Variants in ADAM12 observed in about 807,000 individuals in gnomAD.
ADAM12 encodes the protein ADAM metallopeptidase domain 12, also known as disintegrin and metalloproteinase domain-containing protein 12.
ADAM12 carries 70 observed loss-of-function variants against 106.4 expected under a neutral mutation model. The ratio of observed to expected loss-of-function variants is 0.66; its 90% CI spans 0.54 to 0.80. ADAM12 has a LOEUF of 0.80. Ranked by LOEUF, ADAM12 falls within the 30% of genes least tolerant of loss-of-function variation. The probability of loss-of-function intolerance (pLI) is 0.00; values close to 1 mark genes in which losing one functional copy is unlikely to be tolerated. For missense variants in ADAM12, 1,010 were observed against 1,171.9 expected, an observed-to-expected ratio of 0.86 and a Z score of 2.02; for synonymous variants, 420 against 433.5, an observed-to-expected ratio of 0.97 and a Z score of 0.39.
At chr10:126,032,685 A>G (rs879784631) in intron 21 of ADAM12, among the ~76,000 whole-genome samples, 3 of 152,326 alleles carry the variant, frequency 2.0e-5, no homozygotes, top group Non-Finnish European at 4.4e-5. Context: ...CTCTTTGGCT[A>G]CCTGAAATGT....
Position 126,388,013 on chromosome 10 carries a change from C to A in ADAM12, c.88+45G>T. 1 of 1,195,270 alleles carries A rather than the reference C, an allele frequency of 8.4e-7. No individual in the cohort carries two copies. The highest frequency in any genetic ancestry group is 1.0e-6 in the Non-Finnish European group (1 of 964,302). The allele number at this position is 1,195,270 out of a possible 1,614,324, so 74.0% of individuals were successfully genotyped here. A position where few individuals can be genotyped will look rare whatever the true frequency, so the allele number is the denominator to read the frequency against. Reference sequence around the variant, plus strand: ...GCGCGCCCAGGCGCAGCGTGCGGTGCCCTCGGCGGGGCGGGCAGCGAGCCG... The same window carrying A: ...GCGCGCCCAGGCGCAGCGTGCGGTGACCTCGGCGGGGCGGGCAGCGAGCCG... On this transcript the variant is annotated intron_variant, in intron 1 of 22. Coordinates refer to ENST00000448723, the MANE Select transcript of ADAM12 (RefSeq NM_001288973.2). The surrounding 1 kb of genome is among the most constrained non-coding windows in gnomAD (Gnocchi z 4.4).
intron 3 of ADAM12, among the ~76,000 whole-genome samples, chr10:126,243,395 G>A (rs551305972): frequency 6.6e-6 from 1 of 152,202 alleles, no homozygotes; most frequent in Admixed American, 6.5e-5. Context: ...GCCTTCTCAT[G>A]CATCTTACTT....
At chr10:126,188,114 C>T (rs1202298357) in intron 3 of ADAM12, among the ~76,000 whole-genome samples, 1 of 152,222 alleles carries the variant, frequency 6.6e-6, no homozygotes, top group Non-Finnish European at 1.5e-5. Flanking sequence ...GACACTGCAG[C>T]TTGTTCTCAC....
intron 3 of ADAM12, among the ~76,000 whole-genome samples, chr10:126,193,256 C>T (rs1957536400): frequency 9.6e-6 from 1 of 104,662 alleles, no homozygotes; most frequent in Non-Finnish European, 1.7e-5. Flanking sequence ...CAGAGCGAGA[C>T]TCCATCTCAA....
At chr10:126,130,848 A>G (rs975778845) in intron 5 of ADAM12, among the ~76,000 whole-genome samples, 3 of 152,210 alleles carry the variant, frequency 2.0e-5, no homozygotes, top group African/African-American at 7.2e-5. Context: ...TTGTCACTCT[A>G]ATGAGTTAAT....
chr10:126,287,871 G>A (rs570490518), intron 2 of ADAM12, among the ~76,000 whole-genome samples: 8 of 152,000 alleles, frequency 5.3e-5, no homozygotes, highest in South Asian at 2.1e-4. Flanking sequence ...TATCTCCCTC[G>A]GCAAAATAGA....
intron 2 of ADAM12, among the ~76,000 whole-genome samples, chr10:126,312,301 C>T (rs961243856): frequency 2.6e-5 from 4 of 152,100 alleles, no homozygotes; most frequent in South Asian, 2.1e-4. Context: ...AGAGGGAACC[C>T]GACAGCGGGG....
chr10:126,192,252 G>A (rs1184067687), intron 3 of ADAM12, among the ~76,000 whole-genome samples: 1 of 152,170 alleles, frequency 6.6e-6, no homozygotes, highest in Non-Finnish European at 1.5e-5. Flanking sequence ...GTCCTTATGA[G>A]AACTGCATGA....
chr10:126,309,968 G>A (rs1490102490), intron 2 of ADAM12, among the ~76,000 whole-genome samples: 1 of 151,956 alleles, frequency 6.6e-6, no homozygotes, highest in Non-Finnish European at 1.5e-5. Flanking sequence ...AGACCAGCCG[G>A]GCCAACATGG....
chr10:126,242,568 G>C (rs755121628), intron 3 of ADAM12, among the ~76,000 whole-genome samples: 4 of 152,194 alleles, frequency 2.6e-5, no homozygotes, highest in Non-Finnish European at 5.9e-5. Flanking sequence ...TTCACAGAGC[G>C]TGGGCGTCTC....
intron 4 of ADAM12, among the ~76,000 whole-genome samples, chr10:126,138,694 G>A (rs1237054290): frequency 6.6e-6 from 1 of 151,982 alleles, no homozygotes; most frequent in African/African-American, 2.4e-5. Context: ...TTTCTTGATT[G>A]TATCTTTTGA....
intron 1 of ADAM12, among the ~76,000 whole-genome samples, chr10:126,386,445 G>C (rs1856662280): frequency 6.6e-6 from 1 of 152,124 alleles, no homozygotes; most frequent in South Asian, 2.1e-4. Context: ...TTGAAGACTT[G>C]ATACTGAGAA....
chr10:126,082,374 T>TTTTG (rs1444946530), intron 11 of ADAM12, among the ~76,000 whole-genome samples: 9 of 145,058 alleles, frequency 6.2e-5, no homozygotes, highest in East Asian at 6.2e-4. Context: ...TTTTTTTTTT[T>TTTTG]TTTTTTTTTT....
chr10:126,339,500 T>C (rs1276117485), intron 1 of ADAM12, among the ~76,000 whole-genome samples: 2 of 152,240 alleles, frequency 1.3e-5, no homozygotes, highest in African/African-American at 2.4e-5. Flanking sequence ...TTTGTTCTTT[T>C]GTCTTCTAAA....
chr10:126,287,307 C>T (rs115634473), intron 2 of ADAM12, among the ~76,000 whole-genome samples: 2,526 of 152,262 alleles, frequency 0.017, 67 homozygotes, highest in African/African-American at 0.057. Context: ...CTTTCTTGAG[C>T]TTACTATTGG....
At chr10:126,171,610 G>A (rs1010911933) in intron 3 of ADAM12, among the ~76,000 whole-genome samples, 2 of 152,170 alleles carry the variant, frequency 1.3e-5, no homozygotes, top group Non-Finnish European at 2.9e-5. Context: ...ACGGTGTCTT[G>A]CGTATGGGAC....
intron 2 of ADAM12, among the ~76,000 whole-genome samples, chr10:126,321,905 C>G (rs1317229): frequency 0.5 from 46,786 of 92,726 alleles, 7,768 homozygotes; most frequent in African/African-American, 0.53. Flanking sequence ...ACCTGGGGGT[C>G]GGGGGGGGGG....
chr10:126,117,749 G>A (rs1418479586), intron 6 of ADAM12, among the ~76,000 whole-genome samples: 1 of 77,120 alleles, frequency 1.3e-5, no homozygotes, highest in Admixed American at 1.4e-4. Flanking sequence ...AGCTTGTGGG[G>A]GTAGAAGTTG....
intron 2 of ADAM12, among the ~76,000 whole-genome samples, chr10:126,328,711 T>C (rs1854393939): frequency 6.6e-6 from 1 of 152,228 alleles, no homozygotes; most frequent in African/African-American, 2.4e-5. Flanking sequence ...ATCATGCCCC[T>C]ACATAACGTC....
Sources: gnomAD v4.1 joint callset for allele counts (sites outside exome capture counted in the v4.1 genomes callset) on GRCh38, gnomAD v4.1.1 for gene constraint, Gnocchi (gnomAD v3.1) non-coding constraint, MANE v1.5 for transcripts, NCBI Gene and HGNC (gene_info 2026-07-23, HGNC 2026-07-21) for gene names.